The following ACACA variants were observed in gnomAD, a reference collection of about 807,000 sequenced individuals.
ACACA encodes acetyl-CoA carboxylase alpha, also known as acetyl-CoA carboxylase 1.
Under a neutral mutation model 296.1 loss-of-function variants are expected in ACACA, and 103 were observed. That is an observed-to-expected ratio of 0.35 (90% CI 0.30 to 0.41). The LOEUF is 0.41. Ranked by LOEUF, ACACA falls within the 10% of genes least tolerant of loss-of-function variation. The pLI, the probability that ACACA is intolerant of heterozygous loss-of-function variation, is 1.00. For missense variants in ACACA, 1,554 were observed against 2,989.7 expected, an observed-to-expected ratio of 0.52 and a Z score of 11.20; for synonymous variants, 953 against 1,038.6, an observed-to-expected ratio of 0.92 and a Z score of 1.58.
At chr17:37,139,689 T>C (rs1275805538) in intron 45 of ACACA, among the ~76,000 whole-genome samples, 2 of 152,262 alleles carry the variant, frequency 1.3e-5, no homozygotes, top group African/African-American at 2.4e-5. Flanking sequence ...CCGAAGGTAC[T>C]GCATGGCACT....
chr17:37,200,418 T>C lies in ACACA; in HGVS notation c.4113+9A>G, dbSNP rs1298965401. ...AAATATTAAAGAGGTACAATTCACA[T>C]GTCAGTACCTTTTGTGCAACCAGGA... On this transcript the variant is annotated intron_variant, in intron 34 of 55. Transcript: ENST00000616317. 8 of 1,604,530 alleles carry C rather than the reference T, an allele frequency of 5.0e-6. No homozygotes were observed. The highest frequency in any genetic ancestry group is 6.0e-6 in the Non-Finnish European group (7 of 1,171,256).
chr17:37,164,291 A>G (rs1162687902), intron 41 of ACACA, among the ~76,000 whole-genome samples: 1 of 152,062 alleles, frequency 6.6e-6, no homozygotes, highest in Non-Finnish European at 1.5e-5. Context: ...CATCACCCAG[A>G]CTCAACCAGG....
intron 3 of ACACA, among the ~76,000 whole-genome samples, chr17:37,329,607 C>T (rs2047770728): frequency 6.7e-6 from 1 of 149,038 alleles, no homozygotes; most frequent in African/African-American, 2.5e-5. Context: ...TACCACTGCA[C>T]TCCCATTTGG....
At chr17:37,388,736 C>T (rs2050661617) in intron 1 of ACACA, 1 of 1,612,602 alleles carries the variant, frequency 6.2e-7, no homozygotes, top group East Asian at 2.2e-5. Context: ...ATTGCTGTCA[C>T]CCTGTTGCTC....
chr17:37,374,063 T>A (rs553791061), intron 1 of ACACA, among the ~76,000 whole-genome samples: 187 of 152,160 alleles, frequency 1.2e-3, no homozygotes, highest in African/African-American at 2.2e-3. Flanking sequence ...AAAACTTTTT[T>A]AAAAAGTTTT....
chr17:37,370,104 T>C (rs1184110994), intron 1 of ACACA, among the ~76,000 whole-genome samples: 1 of 151,062 alleles, frequency 6.6e-6, no homozygotes, highest in Non-Finnish European at 1.5e-5. Context: ...CCTCCTGGGT[T>C]CAAGCGATTC....
At chr17:37,174,018 A>ATTTTTTT (rs2077008643) in intron 41 of ACACA, among the ~76,000 whole-genome samples, 7 of 15,432 alleles carry the variant, frequency 4.5e-4, no homozygotes, top group Non-Finnish European at 5.5e-4. Context: ...ATATATATAT[A>ATTTTTTT]TATTTTTTTT....
intron 43 of ACACA, among the ~76,000 whole-genome samples, chr17:37,151,788 A>G (rs886493782): frequency 1.3e-5 from 2 of 152,098 alleles, no homozygotes; most frequent in African/African-American, 4.8e-5. Flanking sequence ...CAGCCTCCCA[A>G]GTAGCTGGGA....
chr17:37,268,990 C>G (rs1598362841), intron 10 of ACACA, among the ~76,000 whole-genome samples: 2 of 143,014 alleles, frequency 1.4e-5, no homozygotes, highest in South Asian at 4.3e-4. Context: ...TCTTTTTTCT[C>G]TAGACTCTCT....
At chr17:37,155,549 G>A (rs1334707031) in intron 43 of ACACA, 134 bp downstream of exon 43, 5 of 704,112 alleles carry the variant, frequency 7.1e-6, no homozygotes, top group Non-Finnish European at 1.0e-5. Context: ...AGAGCTGGAT[G>A]TAAACCTAAA....
chr17:37,191,975 C>G, intron 37 of ACACA, 115 bp downstream of exon 37: 1 of 1,078,932 alleles, frequency 9.3e-7, no homozygotes, highest in East Asian at 2.6e-5. Context: ...AAAATGAAAA[C>G]CTGATCTTTT....
At chr17:37,140,380 T>C (rs2075516128) in intron 45 of ACACA, among the ~76,000 whole-genome samples, 2 of 152,292 alleles carry the variant, frequency 1.3e-5, no homozygotes, top group Admixed American at 1.3e-4. Context: ...TAATTTTATA[T>C]ATAATACCCT....
chr17:37,161,730 T>C, intron 42 of ACACA, 51 bp downstream of exon 42: 1 of 1,596,408 alleles, frequency 6.3e-7, no homozygotes, highest in Non-Finnish European at 8.5e-7. Context: ...TCTCCACACA[T>C]GTAGCATAAC....
intron 25 of ACACA, 116 bp from the exon 26 acceptor site, chr17:37,226,568 A>C: frequency 1.1e-6 from 1 of 917,948 alleles, no homozygotes; most frequent in Non-Finnish European, 1.8e-6. Flanking sequence ...ATTAATAAGA[A>C]AATGCAAACT....
At chr17:37,147,103 A>T (rs889563153) in intron 45 of ACACA, among the ~76,000 whole-genome samples, 24 of 152,074 alleles carry the variant, frequency 1.6e-4, no homozygotes, top group African/African-American at 5.5e-4. Context: ...CTTCACCCCA[A>T]TGTTTAACAT....
At chr17:37,133,099 T>C (rs2143551751) in intron 45 of ACACA, among the ~76,000 whole-genome samples, 1 of 152,352 alleles carries the variant, frequency 6.6e-6, no homozygotes, top group East Asian at 1.9e-4. Context: ...ATTCACTTAA[T>C]TCAGAAATTA....
chr17:37,349,588 G>A (rs1046490540), intron 1 of ACACA, among the ~76,000 whole-genome samples: 6 of 141,986 alleles, frequency 4.2e-5, no homozygotes, highest in Admixed American at 7.5e-5. Context: ...ACAGAGTCTC[G>A]CTCTGTTGCC....
intron 12 of ACACA, among the ~76,000 whole-genome samples, chr17:37,259,129 A>G (rs2081335857): frequency 6.6e-6 from 1 of 152,262 alleles, no homozygotes; most frequent in South Asian, 2.1e-4. Context: ...TATTTCTAAA[A>G]CATGACACAT....
At position 37,263,730 on chromosome 17, in the gene ACACA, T is replaced by C. The variant is rs1462162396; in HGVS notation, c.1284A>G (p.Ala428=). The C allele has an allele frequency of 6.2e-7, 1 of 1,614,124 alleles. No homozygotes were observed. The change falls in exon 11 of 56, where the codon GCA becomes GCG. Residue 428 remains alanine (A), a synonymous_variant. Coordinates refer to ENST00000616317, the MANE Select transcript of ACACA (RefSeq NM_198834.3). ...QRRHQKIIEE[A]PATIATPAVF... ...CTGCTGGAGTAGCAATAGTAGCAGG[T>C]GCTTCTTCAATAATCTTCTGATGCC... is the stretch of plus-strand genomic sequence containing the variant.
Sources: allele counts gnomAD v4.1 joint callset (sites outside exome capture counted in the v4.1 genomes callset), GRCh38; gene constraint gnomAD v4.1.1; transcripts MANE v1.5; gene names NCBI Gene and HGNC (gene_info 2026-07-23, HGNC 2026-07-21).